Variants in ACOXL observed in about 807,000 individuals in gnomAD.
ACOXL encodes acyl-coenzyme A oxidase-like protein.
In ACOXL, 70 loss-of-function variants were observed where a neutral mutation model predicts 71.9. The observed-to-expected ratio is 0.97, with a 90% CI of 0.80 to 1.19. The LOEUF (loss-of-function observed/expected upper bound fraction) is 1.19. Ranked by LOEUF, ACOXL falls within the 50% of genes most tolerant of loss-of-function variation. ACOXL has a pLI of 0.00. For synonymous variants in ACOXL, 253 were observed against 281.6 expected, an observed-to-expected ratio of 0.90 and a Z score of 1.02; for missense variants, 703 against 736.3, an observed-to-expected ratio of 0.95 and a Z score of 0.52.
intron 9 of ACOXL, among the ~76,000 whole-genome samples, chr2:110,827,147 G>A (rs756233393): frequency 5.3e-5 from 8 of 152,216 alleles, no homozygotes; most frequent in African/African-American, 2.4e-5. Context: ...AGCTCCTGCT[G>A]TGGGTCTGGC....
intron 1 of ACOXL, among the ~76,000 whole-genome samples, chr2:110,763,482 A>T (rs1037520337): frequency 6.6e-6 from 1 of 152,228 alleles, no homozygotes; most frequent in Non-Finnish European, 1.5e-5. Context: ...GGACGTCAAC[A>T]TACAACCCCC....
At chr2:110,838,435 C>T (rs1208491372) in intron 9 of ACOXL, among the ~76,000 whole-genome samples, 5 of 152,048 alleles carry the variant, frequency 3.3e-5, no homozygotes, top group South Asian at 2.1e-4. Flanking sequence ...CAGAGCAGGG[C>T]GAGGGGCTTT....
intron 12 of ACOXL, among the ~76,000 whole-genome samples, chr2:110,979,634 G>A (rs1176030772): frequency 2.0e-5 from 3 of 152,130 alleles, no homozygotes; most frequent in African/African-American, 4.8e-5. Flanking sequence ...CAGGGGGTGC[G>A]GGGCAGGGGT....
At chr2:110,871,180 T>C (rs1190094489) in intron 10 of ACOXL, among the ~76,000 whole-genome samples, 1 of 152,054 alleles carries the variant, frequency 6.6e-6, no homozygotes, top group Admixed American at 6.5e-5. Flanking sequence ...ATGCAAAACA[T>C]GTTGGAAAAA....
intron 17 of ACOXL, 128 bp from the exon 18 acceptor site, chr2:111,117,488 G>C (rs982277303): frequency 1.0e-6 from 1 of 961,650 alleles, no homozygotes; most frequent in African/African-American, 1.6e-5. Context: ...TTCCACAGGA[G>C]AATCCAAAGG....
At chr2:110,767,237 C>G (rs1681208599) in intron 1 of ACOXL, among the ~76,000 whole-genome samples, 1 of 152,192 alleles carries the variant, frequency 6.6e-6, no homozygotes, top group African/African-American at 2.4e-5. Context: ...AACCTCTCCT[C>G]CTGTGTCAGT....
chr2:110,854,144 C>T (rs1692961097), intron 10 of ACOXL, among the ~76,000 whole-genome samples: 1 of 152,010 alleles, frequency 6.6e-6, no homozygotes, highest in African/African-American at 2.4e-5. Flanking sequence ...TGTCTGTTTG[C>T]ATGTGTGGGG....
At chr2:110,910,773 T>C (rs1425303824) in intron 11 of ACOXL, among the ~76,000 whole-genome samples, 1 of 152,250 alleles carries the variant, frequency 6.6e-6, no homozygotes, top group African/African-American at 2.4e-5. Context: ...TTTAAATCTC[T>C]TGCATATTTT....
chr2:110,997,264 G>A (rs940693932), intron 14 of ACOXL, among the ~76,000 whole-genome samples: 7 of 152,128 alleles, frequency 4.6e-5, no homozygotes, highest in African/African-American at 1.7e-4. Context: ...AATATTCCTG[G>A]AAGTGCTGGG....
intron 10 of ACOXL, 30 bp from the exon 11 acceptor site, chr2:110,908,759 G>C: frequency 1.3e-6 from 2 of 1,578,352 alleles, no homozygotes; most frequent in Non-Finnish European, 1.7e-6. Context: ...CTGGATTTTG[G>C]TAAAAATCGT....
intron 8 of ACOXL, among the ~76,000 whole-genome samples, chr2:110,803,596 G>T (rs1213648031): frequency 6.6e-6 from 1 of 152,190 alleles, no homozygotes; most frequent in Non-Finnish European, 1.5e-5. Context: ...GTGAATTTTT[G>T]TGACCTGGGT....
At position 111,117,993 on chromosome 2, in the gene ACOXL, GAA is replaced by G. The variant is rs2070475063; in HGVS notation, c.*179_*180del. 3 of 738,096 alleles carry G rather than the reference GAA, an allele frequency of 4.1e-6. No individual in the cohort carries two copies. The highest frequency in any genetic ancestry group is 6.5e-6 in the Non-Finnish European group (3 of 463,134). The allele number at this position is 738,096 out of a possible 1,614,324, so 45.7% of individuals were successfully genotyped here. ...GGCGAGGTGCGCGGCTGGCTGCTAG[GAA>G]AGAGATCCAGACGGTCGCCTGGTGC... On this transcript the variant is annotated 3_prime_UTR_variant, in exon 18 of 18. Coordinates refer to ENST00000439055, the MANE Select transcript of ACOXL (RefSeq NM_001142807.4).
At chr2:110,947,189 C>T (rs1344118326) in intron 12 of ACOXL, among the ~76,000 whole-genome samples, 1 of 152,224 alleles carries the variant, frequency 6.6e-6, no homozygotes, top group Admixed American at 6.5e-5. Flanking sequence ...CTTCGTTTCC[C>T]ACTTTCTTGC....
intron 12 of ACOXL, among the ~76,000 whole-genome samples, chr2:110,966,854 A>G (rs1170732709): frequency 1.3e-5 from 2 of 152,230 alleles, no homozygotes; most frequent in African/African-American, 4.8e-5. Flanking sequence ...CAACAAGGCA[A>G]TGTGCATCAG....
intron 2 of ACOXL, among the ~76,000 whole-genome samples, chr2:110,774,405 A>G (rs1169085492): frequency 1.3e-5 from 2 of 152,230 alleles, no homozygotes; most frequent in East Asian, 3.8e-4. Flanking sequence ...CTCTGAGCAG[A>G]TGACAGGATC....
At chr2:110,853,458 A>C (rs1010482009) in intron 10 of ACOXL, among the ~76,000 whole-genome samples, 1 of 152,226 alleles carries the variant, frequency 6.6e-6, no homozygotes, top group Non-Finnish European at 1.5e-5. Flanking sequence ...GCTGAATCAA[A>C]TCTGTGATTA....
intron 16 of ACOXL, among the ~76,000 whole-genome samples, chr2:111,062,156 AAGAT>A (rs1460598623): frequency 6.6e-6 from 1 of 152,122 alleles, no homozygotes; most frequent in African/African-American, 2.4e-5. Flanking sequence ...TATTAATTAA[AAGAT>A]AGCAAGAGCG....
At chr2:110,955,474 T>C (rs2061466525) in intron 12 of ACOXL, among the ~76,000 whole-genome samples, 2 of 151,480 alleles carry the variant, frequency 1.3e-5, no homozygotes, top group Non-Finnish European at 2.9e-5. Context: ...CCACCTATGG[T>C]CTGTGTTCCA....
At chr2:110,842,363 G>C (rs1691278984) in intron 10 of ACOXL, among the ~76,000 whole-genome samples, 1 of 152,158 alleles carries the variant, frequency 6.6e-6, no homozygotes, top group South Asian at 2.1e-4. Flanking sequence ...CTCCAGAGAG[G>C]CTCAAGATCA....
Sources: allele counts gnomAD v4.1 joint callset (sites outside exome capture counted in the v4.1 genomes callset), GRCh38; gene constraint gnomAD v4.1.1; transcripts MANE v1.5; gene names NCBI Gene and HGNC (gene_info 2026-07-23, HGNC 2026-07-21).